The following SEPTIN9 variants were observed in gnomAD, a reference collection of about 807,000 sequenced individuals.
SEPTIN9 encodes septin-9.
SEPTIN9 carries 13 observed loss-of-function variants against 56.6 expected under a neutral mutation model. That is an observed-to-expected ratio of 0.23 (90% CI 0.15 to 0.37). The LOEUF is 0.37. SEPTIN9 is among the 10% of genes least tolerant of loss of function. The probability of loss-of-function intolerance (pLI) is 1.00; values close to 1 mark genes in which losing one functional copy is unlikely to be tolerated. For missense variants in SEPTIN9, 650 were observed against 823.1 expected, an observed-to-expected ratio of 0.79 and a Z score of 2.57; for synonymous variants, 332 against 334.1, an observed-to-expected ratio of 0.99 and a Z score of 0.07.
intron 2 of SEPTIN9, among the ~76,000 whole-genome samples, chr17:77,378,365 G>A (rs534785142): frequency 2.6e-5 from 4 of 152,228 alleles, no homozygotes; most frequent in East Asian, 1.9e-4. Flanking sequence ...CAGTTTCTTC[G>A]CCTGTTTCCC....
rs1292432784 is a variant in SEPTIN9 at position 77,499,846 on chromosome 17, C to T, written c.*1188C>T. 2 of 305,704 alleles carry T rather than the reference C, an allele frequency of 6.5e-6. No individual in the cohort carries two copies. The highest frequency in any genetic ancestry group is 1.2e-5 in the Non-Finnish European group (2 of 161,338). 18.9% of individuals were successfully genotyped at this position (305,704 alleles called of 1,614,324 possible). ...CTGTTGATCTACCCGTGCCTGGGCCCCTCCCCTCAGAGCCCATGGTAACGA... is the reference window on the plus strand; with the variant it reads ...CTGTTGATCTACCCGTGCCTGGGCCTCTCCCCTCAGAGCCCATGGTAACGA... On this transcript the variant is annotated 3_prime_UTR_variant, in exon 12 of 12. Transcript: ENST00000427177.
Position 77,437,140 on chromosome 17 carries a change from C to A in SEPTIN9, c.721+34437C>A, listed in dbSNP as rs1166663425. 1.3e-5 allele frequency among the ~76,000 whole-genome samples: 2 copies of A among 152,232 alleles called. No homozygotes were observed. Among genetic ancestry groups the A allele is most frequent in the African/African-American group, 2.4e-5 (1 of 41,456 alleles). ...TGGCATCAGCATCCCTGCCTTGACA[C>A]CCCCGTGTGGCAGCTGCTGTGATTC... On this transcript the variant is annotated intron_variant, in intron 3 of 11. Coordinates refer to ENST00000427177, the MANE Select transcript of SEPTIN9 (RefSeq NM_001113491.2). This position sits in a 1 kb window ranked among gnomAD's most constrained non-coding sequence, Gnocchi z 5.3.
intron 3 of SEPTIN9, among the ~76,000 whole-genome samples, chr17:77,407,518 T>G (rs1338645148): frequency 6.6e-6 from 1 of 150,976 alleles, no homozygotes; most frequent in Non-Finnish European, 1.5e-5. Flanking sequence ...CTCTGGAGGT[T>G]GTGCTGGAGG....
intron 2 of SEPTIN9, among the ~76,000 whole-genome samples, chr17:77,386,993 C>G (rs1282958745): frequency 6.6e-6 from 1 of 152,246 alleles, no homozygotes; most frequent in Non-Finnish European, 1.5e-5. Context: ...AAGAGTGGGA[C>G]ACACGGGTGA....
chr17:77,490,627 G>A (rs2039984572), intron 7 of SEPTIN9, 115 bp from the exon 8 acceptor site: 6 of 802,766 alleles, frequency 7.5e-6, no homozygotes, highest in Non-Finnish European at 1.3e-5. Context: ...TTGCCAGCAG[G>A]GACCCCCGTG....
chr17:77,314,107 T>C (rs1194107111), intron 2 of SEPTIN9, among the ~76,000 whole-genome samples: 2 of 152,054 alleles, frequency 1.3e-5, no homozygotes, highest in East Asian at 1.9e-4. Context: ...AAGCTGAGGC[T>C]GCAGTGAGTT....
At chr17:77,381,636 G>A (rs1373487090) in intron 2 of SEPTIN9, among the ~76,000 whole-genome samples, 2 of 152,232 alleles carry the variant, frequency 1.3e-5, no homozygotes, top group Non-Finnish European at 2.9e-5. Flanking sequence ...TAAAGGTCAG[G>A]GAATGGAGTG....
intron 2 of SEPTIN9, among the ~76,000 whole-genome samples, chr17:77,322,024 C>G (rs2032955883): frequency 2.6e-5 from 4 of 152,230 alleles, no homozygotes; most frequent in African/African-American, 9.6e-5. Flanking sequence ...AGTGGGTCCC[C>G]TGCCTCCTGG....
Position 77,435,496 on chromosome 17 carries a change from G to T in SEPTIN9, c.721+32793G>T, listed in dbSNP as rs552030900. 6.6e-6 allele frequency among the ~76,000 whole-genome samples: 1 copy of T among 152,194 alleles called. No individual in the cohort carries two copies. The highest frequency in any genetic ancestry group is 2.1e-4 in the South Asian group (1 of 4,832). On this transcript the variant is annotated intron_variant, in intron 3 of 11. Transcript: ENST00000427177. The surrounding 1 kb of genome is among the most constrained non-coding windows in gnomAD (Gnocchi z 4.5). Reference sequence around the variant, plus strand: ...GAAGTAGAGCAACCATGCCGGGCGGGTCGTCGTGCCCCAGTGCCGCCTGCC... The same window carrying T: ...GAAGTAGAGCAACCATGCCGGGCGGTTCGTCGTGCCCCAGTGCCGCCTGCC...
chr17:77,361,874 C>A (rs983432059), intron 2 of SEPTIN9, among the ~76,000 whole-genome samples: 11 of 152,174 alleles, frequency 7.2e-5, no homozygotes, highest in Non-Finnish European at 1.6e-4. Flanking sequence ...CCTCGTGATC[C>A]GCCCGCCTCG....
chr17:77,497,281 G>A (rs1287261314), intron 10 of SEPTIN9, 34 bp from the exon 11 acceptor site: 23 of 1,605,034 alleles, frequency 1.4e-5, no homozygotes, highest in Non-Finnish European at 2.0e-5. Flanking sequence ...TTTCTCCACT[G>A]GGACATTAAA....
intron 1 of SEPTIN9, among the ~76,000 whole-genome samples, chr17:77,285,891 C>T (rs1313637739): frequency 1.3e-5 from 2 of 152,230 alleles, no homozygotes; most frequent in African/African-American, 2.4e-5. Flanking sequence ...CCCAGCGCCC[C>T]GGGAGCTGAC....
In SEPTIN9 at chr17:77,453,673, C is replaced by T. The variant is rs1351204156; in HGVS notation, c.722-28471C>T. On this transcript the variant is annotated intron_variant, in intron 3 of 11. Coordinates refer to ENST00000427177, the MANE Select transcript of SEPTIN9 (RefSeq NM_001113491.2). The surrounding 1 kb of genome is among the most constrained non-coding windows in gnomAD (Gnocchi z 4.4). ...CTCCGAACACTGGGTCCACTGTGCT[C>T]CACAAGGACTTTCACCCCGGAAGCC... Among the ~76,000 whole-genome samples the T allele has an allele frequency of 6.6e-6, 1 of 152,100 alleles. No individual in the cohort carries two copies.
At chr17:77,399,775 A>G (rs2035842286) in intron 2 of SEPTIN9, among the ~76,000 whole-genome samples, 1 of 152,110 alleles carries the variant, frequency 6.6e-6, no homozygotes, top group Admixed American at 6.5e-5. Flanking sequence ...CTGCAGAATC[A>G]GAACACAGCC....
intron 2 of SEPTIN9, among the ~76,000 whole-genome samples, chr17:77,324,082 T>G (rs2033043094): frequency 6.6e-6 from 1 of 152,220 alleles, no homozygotes; most frequent in South Asian, 2.1e-4. Context: ...TGGCGTTCCT[T>G]GGCTCGTGGC....
intron 4 of SEPTIN9, among the ~76,000 whole-genome samples, chr17:77,485,256 GATT>G (rs2039721134): frequency 1.7e-5 from 2 of 116,036 alleles, no homozygotes; most frequent in African/African-American, 6.3e-5. Flanking sequence ...TGATGGTGGT[GATT>G]GTGATGGTGA....
intron 2 of SEPTIN9, among the ~76,000 whole-genome samples, chr17:77,379,715 G>C (rs554862651): frequency 2.0e-4 from 31 of 152,294 alleles, no homozygotes; most frequent in African/African-American, 7.2e-4. Flanking sequence ...ATCGTGCCGG[G>C]GATGGGGCTG....
chr17:77,384,655 GTC>G (rs199980168), intron 2 of SEPTIN9, among the ~76,000 whole-genome samples: 1,983 of 152,074 alleles, frequency 0.013, 26 homozygotes, highest in Middle Eastern at 0.024. Context: ...GGGACCAGCA[GTC>G]CATTTTTTAG....
chr17:77,284,307 A>C (rs1247335756), intron 1 of SEPTIN9, among the ~76,000 whole-genome samples: 3 of 152,182 alleles, frequency 2.0e-5, no homozygotes, highest in African/African-American at 7.2e-5. Context: ...CATCTGTAAG[A>C]AGGTCTTTTC....
Sources: gnomAD v4.1 joint callset for allele counts (sites outside exome capture counted in the v4.1 genomes callset) on GRCh38, gnomAD v4.1.1 for gene constraint, Gnocchi (gnomAD v3.1) non-coding constraint, MANE v1.5 for transcripts, NCBI Gene and HGNC (gene_info 2026-07-23, HGNC 2026-07-21) for gene names.